The following TRIM50 variants were observed in gnomAD, a reference collection of about 807,000 sequenced individuals.
TRIM50 encodes tripartite motif containing 50.
Under a neutral mutation model 44.9 loss-of-function variants are expected in TRIM50, and 34 were observed. The observed-to-expected ratio is 0.76, with a 90% CI of 0.58 to 1.01. TRIM50 has a LOEUF of 1.01. TRIM50 is among the 50% of genes least tolerant of loss of function. The probability of loss-of-function intolerance (pLI) is 0.00; values close to 1 mark genes in which losing one functional copy is unlikely to be tolerated. For synonymous variants in TRIM50, 307 were observed against 291.1 expected, an observed-to-expected ratio of 1.05 and a Z score of -0.56; for missense variants, 633 against 663.7, an observed-to-expected ratio of 0.95 and a Z score of 0.51.
Position 73,320,252 on chromosome 7 carries a change from A to G in TRIM50, c.400-10T>C. 3 of 1,614,016 alleles carry G rather than the reference A, an allele frequency of 1.9e-6. No homozygotes were observed. Among genetic ancestry groups the G allele is most frequent in the Non-Finnish European group, 2.5e-6 (3 of 1,179,878 alleles). On this transcript the variant is annotated splice_polypyrimidine_tract_variant and intron_variant, in intron 2 of 6. Coordinates refer to ENST00000333149, the MANE Select transcript of TRIM50 (RefSeq NM_178125.3). ...GGGCTGCGAGCTCCTCCTGGAGGCA[A>G]CAGGCCATGGCCCCATGAGCAGCTG... is the stretch of plus-strand genomic sequence containing the variant.
chr7:73,313,729 C>T lies in TRIM50; in HGVS notation c.875-219G>A, dbSNP rs528928779. 2.6e-5 allele frequency among the ~76,000 whole-genome samples: 4 copies of T among 152,208 alleles called. No homozygotes were observed. The East Asian group carries it at 7.7e-4, about 29-fold the overall frequency. On this transcript the variant is annotated intron_variant, in intron 6 of 6. Coordinates refer to ENST00000333149, the MANE Select transcript of TRIM50 (RefSeq NM_178125.3). This position sits in a 1 kb window ranked among gnomAD's most constrained non-coding sequence, Gnocchi z 4.9. ...GAATGAAGTTTTACATAAGGAAGAT[C>T]AATCACAGACTGATTGCATCCACCC...
chr7:73,326,225 T>G (rs1369372246), intron 1 of TRIM50, among the ~76,000 whole-genome samples: 1 of 151,992 alleles, frequency 6.6e-6, no homozygotes, highest in Non-Finnish European at 1.5e-5. Context: ...TAATACAAAC[T>G]GGCAGATGAT....
rs552439731 is a variant in TRIM50 at position 73,313,012 on chromosome 7, C to T, written c.1373G>A (p.Trp458Ter). Reference sequence around the variant, plus strand: ...CAGCGAGTTGCTGCCCCTCTCGTGCCAGCAGGTGTCCAGGATGGGGTAGAG... The same window carrying T: ...CAGCGAGTTGCTGCCCCTCTCGTGCTAGCAGGTGTCCAGGATGGGGTAGAG... Reference protein sequence around the residue: ...GKLYPILDTCWHERGSNSLPM... With the variant: ...GKLYPILDTC Residue 458 changes from tryptophan (W) to a stop codon, truncating the protein, a stop_gained, in exon 7 of 7, where the codon TGG (tryptophan) becomes TAG (stop). Transcript: ENST00000333149. LOFTEE classifies it high-confidence loss of function. This position sits in a 1 kb window ranked among gnomAD's most constrained non-coding sequence, Gnocchi z 4.9. 5 of 1,557,626 alleles carry T rather than the reference C, an allele frequency of 3.2e-6. No homozygotes were observed. In the South Asian group the frequency reaches 4.7e-5, roughly 15 times the overall value.
In TRIM50 at chr7:73,313,181, G is replaced by A. The variant is rs782556780; in HGVS notation, c.1204C>T (p.Arg402Trp). The A allele has an allele frequency of 8.8e-6, 14 of 1,588,288 alleles. No homozygotes were observed. The highest frequency in any genetic ancestry group is 1.8e-5 in the Admixed American group (1 of 55,668). ...GRVYEAFACP[R>W]VPLPVAGHPH... ...TGGCCGGCCACGGGCAGGGGTACCCGGGGGCAGGCAAAGGCTTCGTACACC... is the reference window on the plus strand; with the variant it reads ...TGGCCGGCCACGGGCAGGGGTACCCAGGGGCAGGCAAAGGCTTCGTACACC... Residue 402 changes from arginine (R) to tryptophan (W), a missense_variant, in exon 7 of 7, where the codon CGG becomes TGG. Transcript: ENST00000333149. This position sits in a 1 kb window ranked among gnomAD's most constrained non-coding sequence, Gnocchi z 4.9.
intron 5 of TRIM50, 183 bp from the exon 6 acceptor site, chr7:73,316,872 G>A: frequency 1.1e-6 from 1 of 877,266 alleles, no homozygotes; most frequent in Admixed American, 3.2e-5. Flanking sequence ...CTTCCTAGAA[G>A]GGGAAACGCT....
rs782216370 is a variant in TRIM50, at chr7:73,313,412, G to A, written c.973C>T (p.Arg325Ter). 6 of 1,573,778 alleles carry A rather than the reference G, an allele frequency of 3.8e-6. No individual in the cohort carries two copies. In the African/African-American group the frequency reaches 4.0e-5, roughly 11 times the overall value. Residue 325 changes from arginine to a stop codon, truncating the protein, a stop_gained, in exon 7 of 7, where the codon CGA becomes TGA. Coordinates refer to ENST00000333149, the MANE Select transcript of TRIM50 (RefSeq NM_178125.3). LOFTEE classifies it high-confidence loss of function. This position sits in a 1 kb window ranked among gnomAD's most constrained non-coding sequence, Gnocchi z 4.9. ...TCGAAGCGCTCAGGCTGGCTGGCTC[G>A]CCGCTGGGCCAGAAGCCCGCACTGC... ...VVQCGLLAQRRASQPERFDYS... is the reference protein window; with the variant it reads ...VVQCGLLAQR
intron 1 of TRIM50, among the ~76,000 whole-genome samples, chr7:73,327,086 T>C (rs2115795024): frequency 6.6e-6 from 1 of 151,494 alleles, no homozygotes; most frequent in East Asian, 2.0e-4. Flanking sequence ...CCACCGCGCC[T>C]GTCCTGTTAT....
intron 5 of TRIM50, 134 bp from the exon 6 acceptor site, chr7:73,316,823 C>G (rs1804372948): frequency 1.5e-6 from 2 of 1,352,876 alleles, no homozygotes. Flanking sequence ...TGCCCATCAT[C>G]CCCTCCCCTG....
Position 73,324,503 on chromosome 7 carries a change from C to G in TRIM50, c.285G>C (p.Pro95=). 1 of 1,613,860 alleles carries G rather than the reference C, an allele frequency of 6.2e-7. No individual in the cohort carries two copies. The highest frequency in any genetic ancestry group is 8.5e-7 in the Non-Finnish European group (1 of 1,180,020). The part of the protein sequence containing the change: ...EPKVCVHHRN[P]LSLFCEKDQE... Reference sequence around the variant, plus strand: ...GGTCCTTCTCGCAGAAAAGGCTGAGCGGGTTCCGGTGGTGCACGCAGACCT... The same window carrying G: ...GGTCCTTCTCGCAGAAAAGGCTGAGGGGGTTCCGGTGGTGCACGCAGACCT... The change falls in exon 2 of 7, where the codon CCG becomes CCC. Residue 95 remains proline (P), a synonymous_variant. Coordinates refer to ENST00000333149, the MANE Select transcript of TRIM50 (RefSeq NM_178125.3).
Position 73,313,079 on chromosome 7 carries a change from G to C in TRIM50, c.1306C>G (p.Leu436Val). The C allele has an allele frequency of 6.3e-7, 1 of 1,590,466 alleles. No individual in the cohort carries two copies. The change falls in exon 7 of 7, where the codon CTG (leucine) becomes GTG (valine). Residue 436 changes from leucine (L) to valine (V), a missense_variant. Physicochemically the swap from Leu to Val is conservative, Grantham distance 32 (BLOSUM62 1). Coordinates refer to ENST00000333149, the MANE Select transcript of TRIM50 (RefSeq NM_178125.3). This position sits in a 1 kb window ranked among gnomAD's most constrained non-coding sequence, Gnocchi z 4.9. ...TFFDADRPDDLRPLYTFQADF... is the reference protein window; with the variant it reads ...TFFDADRPDDVRPLYTFQADF... ...GCCTGGAAGGTGTAGAGCGGCCGCA[G>C]GTCATCGGGGCGGTCGGCATCGAAG...
Position 73,327,817 on chromosome 7 carries a change from C to G in TRIM50, c.-19+83G>C, listed in dbSNP as rs1804675115. 6.4e-5 allele frequency: 18 copies of G among 282,832 alleles called. No homozygotes were observed. The South Asian group carries it at 6.7e-4, about 10-fold the overall frequency. 17.5% of individuals were successfully genotyped at this position (282,832 alleles called of 1,614,324 possible). A position where few individuals can be genotyped will look rare whatever the true frequency, so the allele number is the denominator to read the frequency against. The stretch of plus-strand genomic sequence containing the variant: ...TCATGCCCCACGCGCTCCCACTGTG[C>G]GCCCCACCTCGCACCCGTGCCCCAT... On this transcript the variant is annotated intron_variant, in intron 1 of 6. Coordinates refer to ENST00000333149, the MANE Select transcript of TRIM50 (RefSeq NM_178125.3).
chr7:73,320,242 C>T lies in TRIM50; in HGVS notation c.400G>A (p.Glu134Lys), dbSNP rs782329354. 11 of 1,613,902 alleles carry T rather than the reference C, an allele frequency of 6.8e-6. No individual in the cohort carries two copies. In the Admixed American group the frequency reaches 1.5e-4, roughly 22 times the overall value. ...PVSTVYSRMK[E>K]ELAALISELK... ...TCAGAGATGAGGGCTGCGAGCTCCTCCTGGAGGCAACAGGCCATGGCCCCA... is the reference window on the plus strand; with the variant it reads ...TCAGAGATGAGGGCTGCGAGCTCCTTCTGGAGGCAACAGGCCATGGCCCCA... Residue 134 changes from glutamate (E) to lysine (K), a missense_variant and splice_region_variant, in exon 3 of 7, where the codon GAG becomes AAG. Coordinates refer to ENST00000333149, the MANE Select transcript of TRIM50 (RefSeq NM_178125.3).
At chr7:73,319,998 T>G in intron 3 of TRIM50, 149 bp downstream of exon 3, 1 of 1,321,382 alleles carries the variant, frequency 7.6e-7, no homozygotes. Context: ...TGAGAGGATT[T>G]GCGCTTTCCC....
chr7:73,312,740 C>T lies in TRIM50; in HGVS notation c.*181G>A, dbSNP rs1298995847. Reference sequence around the variant, plus strand: ...GGGGGCCGAAGTTTACAAATACACCCTTGGCTGAGGGGAAAGGGACTGGGG... The same window carrying T: ...GGGGGCCGAAGTTTACAAATACACCTTTGGCTGAGGGGAAAGGGACTGGGG... On this transcript the variant is annotated 3_prime_UTR_variant, in exon 7 of 7. Transcript: ENST00000333149. 2 of 589,604 alleles carry T rather than the reference C, an allele frequency of 3.4e-6. No homozygotes were observed. The highest frequency in any genetic ancestry group is 6.5e-5 in the Admixed American group (2 of 30,560). 36.5% of individuals were successfully genotyped at this position (589,604 alleles called of 1,614,324 possible).
rs1456902735 is a variant in TRIM50 at position 73,313,887 on chromosome 7, G to A, written c.875-377C>T. On this transcript the variant is annotated intron_variant, in intron 6 of 6. Transcript: ENST00000333149. This position sits in a 1 kb window ranked among gnomAD's most constrained non-coding sequence, Gnocchi z 4.9. ...CCTGACACAGAGGTGTTGTGGGAAG[G>A]ACCCGGAAGACACCTGTCCTGTGAG... Among the ~76,000 whole-genome samples the A allele has an allele frequency of 1.3e-5, 2 of 152,158 alleles. No individual in the cohort carries two copies. Among genetic ancestry groups the A allele is most frequent in the Non-Finnish European group, 2.9e-5 (2 of 68,032 alleles).
chr7:73,324,248 C>T, intron 2 of TRIM50, 141 bp downstream of exon 2: 1 of 1,478,546 alleles, frequency 6.8e-7, no homozygotes, highest in Non-Finnish European at 9.1e-7. Flanking sequence ...AGCTCAAACG[C>T]TAAGGAATGA....
rs1554543422 is a variant in TRIM50, at chr7:73,313,241, G to A, written c.1144C>T (p.His382Tyr). 1 of 1,596,824 alleles carries A rather than the reference G, an allele frequency of 6.3e-7. No homozygotes were observed. The highest frequency in any genetic ancestry group is 1.3e-5 in the African/African-American group (1 of 74,840). ...RKGKLNRSPE[H>Y]GVWLIGLKEG... ...TTCAGGCCGATCAGCCACACGCCGT[G>A]CTCGGGGGACCTGTTCAGCTTGCCC... The change falls in exon 7 of 7, where the codon CAC becomes TAC. Residue 382 changes from histidine (H) to tyrosine (Y), a missense_variant. Coordinates refer to ENST00000333149, the MANE Select transcript of TRIM50 (RefSeq NM_178125.3). This position sits in a 1 kb window ranked among gnomAD's most constrained non-coding sequence, Gnocchi z 4.9.
At position 73,324,744 on chromosome 7, in the gene TRIM50, T is replaced by C; in HGVS notation, c.44A>G (p.Gln15Arg). 6.2e-7 allele frequency: 1 copy of C among 1,614,160 alleles called. No individual in the cohort carries two copies. Residue 15 changes from glutamine (Q) to arginine (R), a missense_variant, in exon 2 of 7, where the codon CAG becomes CGG. Coordinates refer to ENST00000333149, the MANE Select transcript of TRIM50 (RefSeq NM_178125.3). ...GAAGACCTCCAGGCAGATGGGACACTGAAGCCGGTCCTCCAGCTCTGGCAG... is the reference window on the plus strand; with the variant it reads ...GAAGACCTCCAGGCAGATGGGACACCGAAGCCGGTCCTCCAGCTCTGGCAG... The part of the protein sequence containing the change: ...VSLPELEDRL[Q>R]CPICLEVFKE...
intron 1 of TRIM50, among the ~76,000 whole-genome samples, chr7:73,326,837 C>A (rs1554546186): frequency 6.6e-6 from 1 of 152,088 alleles, no homozygotes; most frequent in African/African-American, 2.4e-5. Flanking sequence ...GTTACCCAGG[C>A]TGGAGTGCAG....
Sources: allele counts gnomAD v4.1 joint callset (sites outside exome capture counted in the v4.1 genomes callset), GRCh38; gene constraint gnomAD v4.1.1; non-coding constraint Gnocchi (gnomAD v3.1); transcripts MANE v1.5; gene names NCBI Gene and HGNC (gene_info 2026-07-23, HGNC 2026-07-21).